Variants in RIT1 observed in about 807,000 individuals in gnomAD.
RIT1 encodes the protein GTP-binding protein Rit1.
A neutral mutation model predicts 25.6 loss-of-function variants in RIT1; 6 were observed. The observed-to-expected ratio is 0.23, with a 90% CI of 0.13 to 0.46. The LOEUF (loss-of-function observed/expected upper bound fraction) is 0.46, where lower values mean the gene tolerates loss of function less well. Among genes scored for constraint, RIT1 ranks in the 20% least tolerant of loss-of-function variants. RIT1 has a pLI of 0.99. For missense variants in RIT1, 219 were observed against 284.4 expected (o/e 0.77, Z 1.65); for synonymous variants, 81 against 94.1 (o/e 0.86, Z 0.80).
At chr1:155,902,138 A>T (rs1434081247) in intron 5 of RIT1, among the ~76,000 whole-genome samples, 2 of 152,166 alleles carry the variant, frequency 1.3e-5, no homozygotes, top group African/African-American at 4.8e-5. Flanking sequence ...CAAACATGTT[A>T]CAGTGTTTTT....
chr1:155,911,039 A>G (rs1220791030), intron 1 of RIT1: 3 of 925,858 alleles, frequency 3.2e-6, no homozygotes, highest in Non-Finnish European at 4.9e-6. Flanking sequence ...TCCAAAGAGA[A>G]AAATAAAAAG....
Position 155,898,415 on chromosome 1 carries a change from C to T in RIT1, c.*1973G>A, listed in dbSNP as rs537688710. On this transcript the variant is annotated 3_prime_UTR_variant, in exon 6 of 6. Coordinates refer to ENST00000368323, the MANE Select transcript of RIT1 (RefSeq NM_006912.6). ...CAGGTGGTGGCTCATGCCTGTAATC[C>T]CAGCATATTGGGAGGATTGCTTGAG... 6.9e-6 allele frequency: 1 copy of T among 144,878 alleles called. No homozygotes were observed. The highest frequency in any genetic ancestry group is 7.2e-5 in the Admixed American group (1 of 13,884). 9.0% of individuals were successfully genotyped at this position (144,878 alleles called of 1,614,324 possible).
intron 5 of RIT1, among the ~76,000 whole-genome samples, chr1:155,903,257 C>T (rs1349051307): frequency 2.0e-5 from 3 of 151,818 alleles, no homozygotes; most frequent in South Asian, 2.1e-4. Context: ...GATCGTGCCA[C>T]TGCACGCCAG....
chr1:155,907,112 A>G (rs183537697), intron 3 of RIT1, among the ~76,000 whole-genome samples: 161 of 152,282 alleles, frequency 1.1e-3, no homozygotes, highest in Non-Finnish European at 1.7e-3. Context: ...TGTCTCAAAA[A>G]AAAAGAAAAG....
At chr1:155,902,128 C>T (rs1468179467) in intron 5 of RIT1, among the ~76,000 whole-genome samples, 1 of 152,024 alleles carries the variant, frequency 6.6e-6, no homozygotes, top group Non-Finnish European at 1.5e-5. Context: ...TGGGAAAAAA[C>T]AAACATGTTA....
At chr1:155,904,171 TG>T in intron 5 of RIT1, 139 bp downstream of exon 5, 1 of 641,574 alleles carries the variant, frequency 1.6e-6, no homozygotes, top group South Asian at 2.0e-5. Context: ...CGCAAAGTAC[TG>T]GTGTGAGCCA....
At chr1:155,910,595 C>G (rs1354318941) in intron 2 of RIT1, 61 bp downstream of exon 2, 35 of 1,606,650 alleles carry the variant, frequency 2.2e-5, no homozygotes, top group Non-Finnish European at 2.8e-5. Flanking sequence ...AGCAAGTATC[C>G]CATCTGGTCA....
chr1:155,900,465 T>C lies in RIT1; in HGVS notation c.583A>G (p.Lys195Glu), dbSNP rs754510314. 8 of 1,614,180 alleles carry C rather than the reference T, an allele frequency of 5.0e-6. No individual in the cohort carries two copies. Among genetic ancestry groups the C allele is most frequent in the Non-Finnish European group, 5.9e-6 (7 of 1,180,018 alleles). The change falls in exon 6 of 6, where the codon AAA becomes GAA. Residue 195 changes from lysine (K) to glutamate (E), a missense_variant. This residue lies in a region of RIT1 where 81 missense variants were observed against 83.8 expected (regional missense o/e 0.97). Coordinates refer to ENST00000368323, the MANE Select transcript of RIT1 (RefSeq NM_006912.6). ...ACACTGTTTTTGGGCTTAGATTTTTTCTCCATGGCCAGTACTGCCTCCTTT... is the reference window on the plus strand; with the variant it reads ...ACACTGTTTTTGGGCTTAGATTTTTCCTCCATGGCCAGTACTGCCTCCTTT... ...KEKEAVLAME[K>E]KSKPKNSVWK... is the part of the protein sequence containing the mutation.
chr1:155,903,249 T>C (rs1368650945), intron 5 of RIT1, among the ~76,000 whole-genome samples: 4 of 151,062 alleles, frequency 2.6e-5, no homozygotes, highest in Admixed American at 2.0e-4. Flanking sequence ...TGAGCAGAGA[T>C]CGTGCCACTG....
intron 1 of RIT1, 188 bp from the exon 2 acceptor site, chr1:155,910,992 C>A: frequency 7.6e-7 from 1 of 1,319,608 alleles, no homozygotes; most frequent in Non-Finnish European, 1.1e-6. Context: ...CCCTCCTAGA[C>A]AGTTCAGTCA....
At chr1:155,905,897 G>A (rs1482843859) in intron 3 of RIT1, among the ~76,000 whole-genome samples, 3 of 151,042 alleles carry the variant, frequency 2.0e-5, no homozygotes, top group African/African-American at 7.3e-5. Flanking sequence ...GCATGATCTC[G>A]GCTCACCACA....
rs750688522 is a variant in RIT1 at position 155,910,515 on chromosome 1, GAAGA to G, written c.107-13_107-10del. On this transcript the variant is annotated splice_polypyrimidine_tract_variant and intron_variant, in intron 2 of 5. Coordinates refer to ENST00000368323, the MANE Select transcript of RIT1 (RefSeq NM_006912.6). ...GAACTGCATGGTCATGGCTTCAAAA[GAAGA>G]AATAAAAGTCAAATCCTCACAAAGG... 3 of 1,614,016 alleles carry G rather than the reference GAAGA, an allele frequency of 1.9e-6. 1 individual carries two copies. The South Asian group carries it at 3.3e-5, about 18-fold the overall frequency.
intron 3 of RIT1, among the ~76,000 whole-genome samples, chr1:155,909,544 G>C (rs542388856): frequency 6.6e-6 from 1 of 152,136 alleles, no homozygotes; most frequent in Non-Finnish European, 1.5e-5. Context: ...GTAGAGATTA[G>C]CAATTAAAAA....
At chr1:155,911,013 C>T in intron 1 of RIT1, 1 of 1,104,628 alleles carries the variant, frequency 9.1e-7, no homozygotes, top group South Asian at 1.4e-5. Context: ...CATGACACAT[C>T]ACAGGTTTTA....
chr1:155,909,982 A>T (rs2102590476), intron 3 of RIT1: 1 of 155,032 alleles, frequency 6.5e-6, no homozygotes, highest in Admixed American at 6.4e-5. Context: ...AATGAACTTA[A>T]GGTATAAGGA....
chr1:155,903,993 A>G (rs1336070512), intron 5 of RIT1, among the ~76,000 whole-genome samples: 1 of 152,154 alleles, frequency 6.6e-6, no homozygotes, highest in Non-Finnish European at 1.5e-5. Context: ...CCACCTCCCC[A>G]GGTCAAGGGA....
At position 155,900,249 on chromosome 1, in the gene RIT1, C is replaced by T; in HGVS notation, c.*139G>A. 2 of 649,640 alleles carry T rather than the reference C, an allele frequency of 3.1e-6. No homozygotes were observed. Among genetic ancestry groups the T allele is most frequent in the Non-Finnish European group, 5.4e-6 (2 of 367,264 alleles). 40.2% of individuals were successfully genotyped at this position (649,640 alleles called of 1,614,324 possible). On this transcript the variant is annotated 3_prime_UTR_variant, in exon 6 of 6. Transcript: ENST00000368323. ...AACTAAGAGACAATACTTTAAATACCACATCATTAAAAACTCCTAGTAGGC... is the reference window on the plus strand; with the variant it reads ...AACTAAGAGACAATACTTTAAATACTACATCATTAAAAACTCCTAGTAGGC...
chr1:155,904,846 C>T (rs772868643), intron 3 of RIT1, 42 bp from the exon 4 acceptor site: 22 of 1,316,262 alleles, frequency 1.7e-5, no homozygotes, highest in East Asian at 4.6e-5. Flanking sequence ...TCATAAATGC[C>T]GGAAGAAATG....
At chr1:155,904,653 ATCT>A in intron 4 of RIT1, 75 bp downstream of exon 4, 2 of 1,250,468 alleles carry the variant, frequency 1.6e-6, no homozygotes, top group Non-Finnish European at 2.3e-6. Context: ...TAAACTATTG[ATCT>A]TCTCTGTGTA....
Sources: gnomAD v4.1 joint callset for allele counts (sites outside exome capture counted in the v4.1 genomes callset) on GRCh38, gnomAD v4.1.1 for gene constraint, gnomAD v4.1.1 regional missense constraint, MANE v1.5 for transcripts, NCBI Gene and HGNC (gene_info 2026-07-23, HGNC 2026-07-21) for gene names.